Variants in ENTREP2 observed in about 807,000 individuals in gnomAD.
ENTREP2 encodes the protein protein ENTREP2.
At chr15:29,479,448 AC>A in the ENTREP2 span, among the ~76,000 whole-genome samples, 1 of 152,082 alleles carries the variant, frequency 6.6e-6, no homozygotes, top group Non-Finnish European at 1.5e-5. Context: ...AGGGCCTAAT[AC>A]AGTGGGTGTT....
chr15:29,648,521 A>G, the ENTREP2 span, among the ~76,000 whole-genome samples: 1 of 152,238 alleles, frequency 6.6e-6, no homozygotes, highest in Non-Finnish European at 1.5e-5. Context: ...ACTATAGTAC[A>G]GCAAACATGA....
the ENTREP2 span, among the ~76,000 whole-genome samples, chr15:29,143,440 G>C: frequency 6.6e-6 from 1 of 152,196 alleles, no homozygotes; most frequent in Non-Finnish European, 1.5e-5. Flanking sequence ...CCAGGCTGCA[G>C]GGCTGCCTTG....
chr15:29,418,908 G>A, the ENTREP2 span, among the ~76,000 whole-genome samples: 1 of 152,238 alleles, frequency 6.6e-6, no homozygotes, highest in Admixed American at 6.5e-5. Context: ...GCACATGGTT[G>A]GGTTTTCCCC....
chr15:29,155,323 C>G, the ENTREP2 span, among the ~76,000 whole-genome samples: 11 of 151,878 alleles, frequency 7.2e-5, no homozygotes, highest in Non-Finnish European at 1.5e-4. Flanking sequence ...TTAGGCAGAA[C>G]CAAGGCAAGG....
At chr15:29,548,913 T>C in the ENTREP2 span, among the ~76,000 whole-genome samples, 1 of 152,184 alleles carries the variant, frequency 6.6e-6, no homozygotes, top group Non-Finnish European at 1.5e-5. Flanking sequence ...GAGGAGGTGC[T>C]TGTGTAATGA....
the ENTREP2 span, among the ~76,000 whole-genome samples, chr15:29,245,227 A>G: frequency 6.6e-6 from 1 of 152,230 alleles, no homozygotes; most frequent in South Asian, 2.1e-4. Context: ...GAAAATATTT[A>G]CAATACCTAG....
At chr15:29,615,179 G>A in the ENTREP2 span, among the ~76,000 whole-genome samples, 13 of 148,050 alleles carry the variant, frequency 8.8e-5, no homozygotes, top group East Asian at 2.0e-4. Context: ...TTTTTGAGAC[G>A]GAGTCTCCCT....
At chr15:29,411,393 G>A in the ENTREP2 span, among the ~76,000 whole-genome samples, 1 of 152,012 alleles carries the variant, frequency 6.6e-6, no homozygotes, top group African/African-American at 2.4e-5. Flanking sequence ...CAATCTAGTA[G>A]GTGTAAACGA....
the ENTREP2 span, among the ~76,000 whole-genome samples, chr15:29,510,786 G>A: frequency 5.2e-4 from 76 of 145,576 alleles, no homozygotes; most frequent in African/African-American, 1.6e-3. Context: ...CTCCAGCCTC[G>A]GCGACAGAGT....
chr15:29,397,808 A>G, the ENTREP2 span, among the ~76,000 whole-genome samples: 1 of 152,224 alleles, frequency 6.6e-6, no homozygotes, highest in African/African-American at 2.4e-5. Flanking sequence ...CACAGAGGGA[A>G]AAAAGGGGGA....
At chr15:29,444,191 A>AC in the ENTREP2 span, among the ~76,000 whole-genome samples, 5,324 of 119,896 alleles carry the variant, frequency 0.044, 333 homozygotes, top group Non-Finnish European at 0.058. Flanking sequence ...AGAAAGAAAG[A>AC]AAGAAAGAAA....
the ENTREP2 span, among the ~76,000 whole-genome samples, chr15:29,651,150 C>T: frequency 6.6e-6 from 1 of 152,230 alleles, no homozygotes; most frequent in Non-Finnish European, 1.5e-5. Context: ...GAATTAACAA[C>T]TAGAAGACCC....
At chr15:29,251,977 A>G in the ENTREP2 span, among the ~76,000 whole-genome samples, 1 of 152,210 alleles carries the variant, frequency 6.6e-6, no homozygotes, top group Non-Finnish European at 1.5e-5. Flanking sequence ...CCAGCATAAT[A>G]TGTACATCAG....
the ENTREP2 span, among the ~76,000 whole-genome samples, chr15:29,230,175 G>C: frequency 6.6e-6 from 1 of 152,044 alleles, no homozygotes; most frequent in Non-Finnish European, 1.5e-5. Context: ...ATTGCCTTAG[G>C]TTGGATCCTT....
chr15:29,318,565 C>T, the ENTREP2 span, among the ~76,000 whole-genome samples: 1 of 152,092 alleles, frequency 6.6e-6, no homozygotes, highest in Non-Finnish European at 1.5e-5. Context: ...CGTGATCCGC[C>T]CACCTCGGCC....
the ENTREP2 span, chr15:29,265,474 A>G: frequency 6.6e-6 from 1 of 152,226 alleles, no homozygotes; most frequent in Non-Finnish European, 1.5e-5. Flanking sequence ...CCCCGTCTCT[A>G]CTAAAAGTAC....
chr15:29,148,021 A>G, the ENTREP2 span, among the ~76,000 whole-genome samples: 1 of 152,244 alleles, frequency 6.6e-6, no homozygotes, highest in Admixed American at 6.5e-5. Context: ...ACATCATGCT[A>G]AATGAAAGAA....
At chr15:29,357,577 C>A in the ENTREP2 span, among the ~76,000 whole-genome samples, 2 of 152,134 alleles carry the variant, frequency 1.3e-5, no homozygotes, top group Non-Finnish European at 2.9e-5. Context: ...GTGGCTCACG[C>A]CTGTAATCCC....
At chr15:29,330,707 G>T in the ENTREP2 span, among the ~76,000 whole-genome samples, 1 of 151,992 alleles carries the variant, frequency 6.6e-6, no homozygotes, top group African/African-American at 2.4e-5. Context: ...AAAAACATTA[G>T]GTAAAAACTA....
Sources: gnomAD v4.1 joint callset for allele counts (sites outside exome capture counted in the v4.1 genomes callset) on GRCh38, gnomAD v4.1.1 for gene constraint, MANE v1.5 for transcripts, NCBI Gene and HGNC (gene_info 2026-07-23, HGNC 2026-07-21) for gene names.